Variants in SBK1 observed in about 807,000 individuals in gnomAD.
SBK1 encodes serine/threonine-protein kinase SBK1.
Under a neutral mutation model 24.4 loss-of-function variants are expected in SBK1, and 11 were observed. The ratio of observed to expected loss-of-function variants is 0.45; its 90% confidence interval spans 0.28 to 0.75. The LOEUF (loss-of-function observed/expected upper bound fraction) is 0.75. Ranked by LOEUF, SBK1 falls within the 30% of genes least tolerant of loss-of-function variation. The probability of loss-of-function intolerance (pLI) is 0.12; values close to 1 mark genes in which losing one functional copy is unlikely to be tolerated. For missense variants in SBK1, 467 were observed against 620.5 expected, an observed-to-expected ratio of 0.75 and a Z score of 2.63; for synonymous variants, 308 against 284.4, an observed-to-expected ratio of 1.08 and a Z score of -0.83.
rs2044861825 is a variant in SBK1 at position 28,322,853 on chromosome 16, C to A, written c.*1932C>A. On this transcript the variant is annotated 3_prime_UTR_variant, in exon 4 of 4. Transcript: ENST00000341901. ...CCTCGCGACATCCTGATCTCTCCTG[C>A]AATAACTAGGAATCGAGATTCCACA... The A allele has an allele frequency of 6.6e-6, 1 of 151,826 alleles. No individual in the cohort carries two copies. Among genetic ancestry groups the A allele is most frequent in the African/African-American group, 2.4e-5 (1 of 41,108 alleles). 9.4% of individuals were successfully genotyped at this position (151,826 alleles called of 1,614,324 possible).
chr16:28,269,851 G>C (rs1258376940), intron 1 of SBK1, among the ~76,000 whole-genome samples: 3 of 151,958 alleles, frequency 2.0e-5, no homozygotes, highest in Non-Finnish European at 4.4e-5. Flanking sequence ...ACTCCAGCCT[G>C]GGTGACAGAG....
At position 28,317,176 on chromosome 16, in the gene SBK1, A is replaced by G. The variant is rs1046249224; in HGVS notation, c.-7-209A>G. ...CCACCAAGCGCAGGGTCTGGCAGTG[A>G]CTGGTCTTCGGGGAGCTGACTCAGG... On this transcript the variant is annotated intron_variant, in intron 1 of 3. Transcript: ENST00000341901. This position sits in a 1 kb window ranked among gnomAD's most constrained non-coding sequence, Gnocchi z 4.2. Among the ~76,000 whole-genome samples the G allele has an allele frequency of 6.6e-6, 1 of 152,034 alleles. No homozygotes were observed. Among genetic ancestry groups the G allele is most frequent in the African/African-American group, 2.4e-5 (1 of 41,398 alleles).
chr16:28,309,105 G>A (rs1295208975), intron 1 of SBK1, among the ~76,000 whole-genome samples: 2 of 152,138 alleles, frequency 1.3e-5, no homozygotes, highest in Non-Finnish European at 2.9e-5. Flanking sequence ...CACAGCAGGA[G>A]GCTTTCCACA....
chr16:28,297,948 C>T (rs1228508588), intron 1 of SBK1, among the ~76,000 whole-genome samples: 1 of 152,198 alleles, frequency 6.6e-6, no homozygotes, highest in Non-Finnish European at 1.5e-5. Flanking sequence ...TAGCACTCTG[C>T]CTGAGGGCTG....
upstream of SBK1, among the ~76,000 whole-genome samples, chr16:28,288,855 C>T (rs375739842): frequency 2.0e-5 from 3 of 152,312 alleles, no homozygotes; most frequent in Admixed American, 6.5e-5. Flanking sequence ...TTTAATGGGA[C>T]CCATGCTGTG....
chr16:28,292,898 C>G lies in SBK1; in HGVS notation c.-410C>G, dbSNP rs2044611327. 3 of 978,690 alleles carry G rather than the reference C, an allele frequency of 3.1e-6. No homozygotes were observed. Among genetic ancestry groups the G allele is most frequent in the Admixed American group, 6.1e-5 (1 of 16,264 alleles). The allele number at this position is 978,690 out of a possible 1,614,324, so 60.6% of individuals were successfully genotyped here. ...AGCCCCCTACGGCACCGCAAGGACTCCCCCTCCTCAGTCTGGGCCCCCGCC... is the reference window on the plus strand; with the variant it reads ...AGCCCCCTACGGCACCGCAAGGACTGCCCCTCCTCAGTCTGGGCCCCCGCC... On this transcript the variant is annotated 5_prime_UTR_variant, in exon 1 of 4. Coordinates refer to ENST00000341901, the MANE Select transcript of SBK1 (RefSeq NM_001024401.3).
rs11540499 is a variant in SBK1, at chr16:28,321,320, C to G, written c.*399C>G. 0.044 allele frequency: 6,993 copies of G among 158,654 alleles called. 567 individuals are homozygous for G. Among genetic ancestry groups the G allele is most frequent in the African/African-American group, 0.16 (6,640 of 41,526 alleles). The allele number at this position is 158,654 out of a possible 1,614,324, so 9.8% of individuals were successfully genotyped here. A position where few individuals can be genotyped will look rare whatever the true frequency, so the allele number is the denominator to read the frequency against. On this transcript the variant is annotated 3_prime_UTR_variant, in exon 4 of 4. Transcript: ENST00000341901. ...ACCCGGACTCGTTGCTCCTGGCCTT[C>G]CATACCCCCTGGCAGATCATCCTGC...
At chr16:28,307,112 G>A (rs2044721977) in intron 1 of SBK1, among the ~76,000 whole-genome samples, 2 of 152,112 alleles carry the variant, frequency 1.3e-5, no homozygotes, top group African/African-American at 2.4e-5. Context: ...AACAGCGGCC[G>A]CTGTGAACAG....
intron 1 of SBK1, among the ~76,000 whole-genome samples, chr16:28,297,487 T>A (rs1201359199): frequency 2.0e-5 from 3 of 152,146 alleles, no homozygotes; most frequent in Non-Finnish European, 4.4e-5. Context: ...TCCAGCAACC[T>A]GAGGTCAAAG....
intron 1 of SBK1, among the ~76,000 whole-genome samples, chr16:28,272,959 T>G (rs184738678): frequency 6.6e-6 from 1 of 152,126 alleles, no homozygotes; most frequent in Non-Finnish European, 1.5e-5. Flanking sequence ...TAGTAGTCCC[T>G]GTTGCATGTA....
At chr16:28,293,532 A>G (rs923516986) in intron 1 of SBK1, among the ~76,000 whole-genome samples, 10 of 151,778 alleles carry the variant, frequency 6.6e-5, no homozygotes, top group Admixed American at 6.6e-4. Flanking sequence ...CCCCGGCCCC[A>G]CGGAGGAGTG....
Position 28,292,565 on chromosome 16 carries a change from G to GGGGCCC in SBK1, c.-741_-736dup, listed in dbSNP as rs2094530352. On this transcript the variant is annotated 5_prime_UTR_variant, in exon 1 of 4. Transcript: ENST00000341901. ...CGCAGCCCGGGCGGGCGCCGGGGCCGGGGCCCGAGCGCCAGGCGGAGCGCG... is the reference window on the plus strand; with the variant it reads ...CGCAGCCCGGGCGGGCGCCGGGGCCGGGGCCCGGGCCCGAGCGCCAGGCGGAGCGCG... 3 of 979,106 alleles carry GGGGCCC rather than the reference G, an allele frequency of 3.1e-6. No homozygotes were observed. Among genetic ancestry groups the GGGGCCC allele is most frequent in the Non-Finnish European group, 3.6e-6 (3 of 827,066 alleles). 60.7% of individuals were successfully genotyped at this position (979,106 alleles called of 1,614,324 possible).
chr16:28,319,276 T>C lies in SBK1; in HGVS notation c.429+79T>C. On this transcript the variant is annotated intron_variant, in intron 3 of 3. Coordinates refer to ENST00000341901, the MANE Select transcript of SBK1 (RefSeq NM_001024401.3). The surrounding 1 kb of genome is among the most constrained non-coding windows in gnomAD (Gnocchi z 4.0). ...TGAGAGTGGGAGTGGAGTCAGACCA[T>C]TTAATTAACAAGTATTTACTGGGTG... The C allele has an allele frequency of 9.1e-7, 1 of 1,100,598 alleles. No individual in the cohort carries two copies. The allele number at this position is 1,100,598 out of a possible 1,614,324, so 68.2% of individuals were successfully genotyped here.
intron 1 of SBK1, among the ~76,000 whole-genome samples, chr16:28,270,832 CTTATTTATTTAT>C (rs199763829): frequency 0.74 from 109,133 of 147,602 alleles, 41,761 homozygotes; most frequent in Non-Finnish European, 0.84. Context: ...TGCACCCTTT[CTTATTTATTTAT>C]TTATTTATTT....
At chr16:28,262,665 G>A (rs1403692745) in intron 1 of SBK1, among the ~76,000 whole-genome samples, 1 of 152,192 alleles carries the variant, frequency 6.6e-6, no homozygotes, top group Non-Finnish European at 1.5e-5. Context: ...TTCTGTTGTG[G>A]GACAATGCAA....
upstream of SBK1, among the ~76,000 whole-genome samples, chr16:28,288,525 T>C (rs189747173): frequency 2.1e-3 from 322 of 152,352 alleles, 2 homozygotes; most frequent in African/African-American, 7.4e-3. Context: ...CGAGAGGCCA[T>C]AACCAGCGCT....
chr16:28,310,490 G>A (rs996570138), intron 1 of SBK1, among the ~76,000 whole-genome samples: 1 of 152,198 alleles, frequency 6.6e-6, no homozygotes, highest in African/African-American at 2.4e-5. Context: ...AAGAGTGAAA[G>A]GTACCAGCTT....
At chr16:28,281,257 A>AT in intron 1 of SBK1, among the ~76,000 whole-genome samples, 1 of 152,204 alleles carries the variant, frequency 6.6e-6, no homozygotes, top group South Asian at 2.1e-4. Context: ...AACTGACTTA[A>AT]TTAGGGCTTG....
At position 28,320,823 on chromosome 16, in the gene SBK1, G is replaced by C. The variant is rs765029481; in HGVS notation, c.1177G>C (p.Gly393Arg). ...CGTGCCGGTGCCTGTGCCCGAGCCCGGCCTAGCTCCCCAGGGGCCCCCCGG... is the reference window on the plus strand; with the variant it reads ...CGTGCCGGTGCCTGTGCCCGAGCCCCGCCTAGCTCCCCAGGGGCCCCCCGG... Reference protein sequence around the residue: ...VPVPVPVPEPGLAPQGPPGRT... With the variant: ...VPVPVPVPEPRLAPQGPPGRT... The change falls in exon 4 of 4, where the codon GGC becomes CGC. Residue 393 changes from glycine to arginine, a missense_variant. Transcript: ENST00000341901. The surrounding 1 kb of genome is among the most constrained non-coding windows in gnomAD (Gnocchi z 8.5). 4 of 1,457,528 alleles carry C rather than the reference G, an allele frequency of 2.7e-6. No homozygotes were observed. The highest frequency in any genetic ancestry group is 3.6e-6 in the Non-Finnish European group (4 of 1,104,786). 90.3% of individuals were successfully genotyped at this position (1,457,528 alleles called of 1,614,324 possible). A position where few individuals can be genotyped will look rare whatever the true frequency, so the allele number is the denominator to read the frequency against.
Sources: allele counts gnomAD v4.1 joint callset (sites outside exome capture counted in the v4.1 genomes callset), GRCh38; gene constraint gnomAD v4.1.1; non-coding constraint Gnocchi (gnomAD v3.1); transcripts MANE v1.5; gene names NCBI Gene and HGNC (gene_info 2026-07-23, HGNC 2026-07-21).